Variants in PRELID2 observed in about 807,000 individuals in gnomAD.
PRELID2 encodes PRELI domain-containing protein 2.
A neutral mutation model predicts 28.4 loss-of-function variants in PRELID2; 25 were observed. That is an observed-to-expected ratio of 0.88 (90% confidence interval 0.64 to 1.23). PRELID2 has a LOEUF of 1.23. Among genes scored for constraint, PRELID2 ranks in the 50% most tolerant of loss-of-function variants. PRELID2 has a pLI of 0.00. For missense variants in PRELID2, 201 were observed against 214.4 expected (o/e 0.94, Z 0.39); for synonymous variants, 76 against 71.6 (o/e 1.06, Z -0.31).
the PRELID2 span, among the ~76,000 whole-genome samples, chr5:145,424,384 C>T: frequency 0.63 from 95,995 of 152,126 alleles, 31,358 homozygotes; most frequent in Non-Finnish European, 0.72. Flanking sequence ...TAGCAATCAG[C>T]GAGACTCCGT....
In PRELID2 at chr5:145,835,189, G is replaced by A; in HGVS notation, c.63C>T (p.Ser21=). Residue 21 remains serine (S), a synonymous_variant, in exon 1 of 7, where the codon AGC becomes AGT. Coordinates refer to ENST00000683046, the MANE Select transcript of PRELID2 (RefSeq NM_205846.3). ...YKYPFEQVVA[S]FLRKYPNPMD... is the part of the protein sequence containing the mutation. ...AGCGGGGCGGTACCTTTCGGAGAAA[G>A]CTGGCGACCACCTGCTCGAAGGGGT... 1 of 1,549,460 alleles carries A rather than the reference G, an allele frequency of 6.5e-7. No homozygotes were observed. The highest frequency in any genetic ancestry group is 2.0e-5 in the Admixed American group (1 of 50,960).
intron 1 of PRELID2, among the ~76,000 whole-genome samples, chr5:145,680,275 C>G (rs1277984545): frequency 6.6e-6 from 1 of 152,120 alleles, no homozygotes; most frequent in Non-Finnish European, 1.5e-5. Context: ...TGTGAAAAGT[C>G]TATGGAAAGG....
chr5:145,474,108 C>T (rs886314949), intron 1 of PRELID2, among the ~76,000 whole-genome samples: 15 of 152,162 alleles, frequency 9.9e-5, no homozygotes, highest in African/African-American at 2.2e-4. Context: ...CAGAGTGTTA[C>T]GCCCACATGG....
the PRELID2 span, chr5:145,229,807 G>A: frequency 1.3e-6 from 1 of 759,560 alleles, no homozygotes; most frequent in Admixed American, 1.7e-5. Context: ...AGCCCTGAGT[G>A]TGAATTTGTC....
At chr5:145,569,407 C>T (rs919195436) in intron 1 of PRELID2, among the ~76,000 whole-genome samples, 4 of 152,102 alleles carry the variant, frequency 2.6e-5, no homozygotes, top group Admixed American at 6.6e-5. Context: ...AATTATGTTG[C>T]TAGGATTTTT....
the PRELID2 span, among the ~76,000 whole-genome samples, chr5:145,289,620 C>A: frequency 6.6e-6 from 1 of 152,120 alleles, no homozygotes; most frequent in African/African-American, 2.4e-5. Context: ...TACCTAGGAG[C>A]ACTATTCCTA....
the PRELID2 span, among the ~76,000 whole-genome samples, chr5:145,410,619 C>G: frequency 6.6e-6 from 1 of 152,172 alleles, no homozygotes; most frequent in African/African-American, 2.4e-5. Flanking sequence ...ACCATCAGAT[C>G]TCATGAGAAC....
chr5:145,692,057 A>G (rs1195540319), intron 1 of PRELID2, among the ~76,000 whole-genome samples: 1 of 152,100 alleles, frequency 6.6e-6, no homozygotes. Flanking sequence ...CCCTGATTGC[A>G]GCTGATGCTG....
At chr5:145,829,428 T>C (rs1188017966) in intron 1 of PRELID2, among the ~76,000 whole-genome samples, 1 of 152,182 alleles carries the variant, frequency 6.6e-6, no homozygotes, top group African/African-American at 2.4e-5. Context: ...AACAAATTAT[T>C]GTTGTTGTTA....
rs547529336 is a variant in PRELID2 at position 145,558,141 on chromosome 5, C to T, written n.71-84826G>A. Among the ~76,000 whole-genome samples the T allele has an allele frequency of 5.9e-5, 9 of 152,224 alleles. No homozygotes were observed. In the South Asian group the frequency reaches 8.3e-4, roughly 14 times the overall value. Reference sequence around the variant, plus strand: ...ATGTGTGGCTGTTACTTAAACTCTCCGACATTTGGTTTCTGTTCTTAATGG... The same window carrying T: ...ATGTGTGGCTGTTACTTAAACTCTCTGACATTTGGTTTCTGTTCTTAATGG... On this transcript the variant is annotated intron_variant and non_coding_transcript_variant, in intron 1 of 2. Coordinates refer to the PRELID2 transcript ENST00000510259.
chr5:145,370,846 G>A, the PRELID2 span, among the ~76,000 whole-genome samples: 33,754 of 151,878 alleles, frequency 0.22, 4,083 homozygotes, highest in South Asian at 0.33. Flanking sequence ...TCTGTTAGCT[G>A]TATTCCTAGG....
At chr5:145,296,245 G>C in the PRELID2 span, among the ~76,000 whole-genome samples, 5 of 151,438 alleles carry the variant, frequency 3.3e-5, no homozygotes, top group East Asian at 3.9e-4. Flanking sequence ...CAATGTGCAG[G>C]TTAGTTACAT....
At chr5:145,698,515 G>A (rs1465672455) in intron 1 of PRELID2, among the ~76,000 whole-genome samples, 3 of 152,124 alleles carry the variant, frequency 2.0e-5, no homozygotes, top group Admixed American at 2.0e-4. Flanking sequence ...CTGGAGGCTG[G>A]GAAGTCCAAG....
chr5:145,538,565 T>C (rs939232975), intron 1 of PRELID2, among the ~76,000 whole-genome samples: 4 of 151,968 alleles, frequency 2.6e-5, no homozygotes, highest in Non-Finnish European at 4.4e-5. Flanking sequence ...TAGACAGCAC[T>C]AGCTTTAAGC....
intron 1 of PRELID2, among the ~76,000 whole-genome samples, chr5:145,620,357 T>G (rs1319982939): frequency 1.3e-5 from 2 of 152,232 alleles, no homozygotes; most frequent in Non-Finnish European, 2.9e-5. Flanking sequence ...GCCTACAGAA[T>G]GTGCAACACT....
chr5:145,677,045 A>C (rs1156560159), intron 1 of PRELID2, among the ~76,000 whole-genome samples: 4 of 152,072 alleles, frequency 2.6e-5, no homozygotes, highest in Admixed American at 2.6e-4. Context: ...CAGCTGAGAA[A>C]ATTTTAACAC....
At chr5:145,391,710 T>A in the PRELID2 span, among the ~76,000 whole-genome samples, 2 of 151,196 alleles carry the variant, frequency 1.3e-5, no homozygotes, top group Non-Finnish European at 2.9e-5. Flanking sequence ...TATTGCATCA[T>A]CAGGCTGCAG....
intron 1 of PRELID2, among the ~76,000 whole-genome samples, chr5:145,500,804 T>C (rs1752353183): frequency 6.6e-6 from 1 of 152,144 alleles, no homozygotes; most frequent in Non-Finnish European, 1.5e-5. Flanking sequence ...AGGACAGCTA[T>C]CAGGTGAGAC....
At chr5:145,651,584 C>T (rs1313512996) in intron 1 of PRELID2, among the ~76,000 whole-genome samples, 1 of 152,176 alleles carries the variant, frequency 6.6e-6, no homozygotes, top group Non-Finnish European at 1.5e-5. Flanking sequence ...CAGGCAGCAA[C>T]ATTTGTTGTT....
Sources: gnomAD v4.1 joint callset for allele counts (sites outside exome capture counted in the v4.1 genomes callset) on GRCh38, gnomAD v4.1.1 for gene constraint, MANE v1.5 for transcripts, NCBI Gene and HGNC (gene_info 2026-07-23, HGNC 2026-07-21) for gene names.